The following TMA16 variants were observed in gnomAD, a reference collection of about 807,000 sequenced individuals.
The protein encoded by TMA16 is translation machinery-associated protein 16.
Under a neutral mutation model 27.1 loss-of-function variants are expected in TMA16, and 26 were observed. That is an observed-to-expected ratio of 0.96 (90% CI 0.70 to 1.33). The LOEUF is 1.33. TMA16 is among the 40% of genes most tolerant of loss of function. The pLI is 0.00. For missense variants in TMA16, 233 were observed against 241.4 expected (o/e 0.97, Z 0.23); for synonymous variants, 71 against 81.9 (o/e 0.87, Z 0.72).
intron 1 of TMA16, 90 bp downstream of exon 1, chr4:163,494,894 A>C: frequency 6.4e-7 from 1 of 1,567,990 alleles, no homozygotes; most frequent in Non-Finnish European, 8.7e-7. Context: ...CGGTTTCGGG[A>C]ACCTAGGAGA....
At position 163,514,019 on chromosome 4, in the gene TMA16, ACTTG is replaced by A. The variant is rs142925293; in HGVS notation, c.155-51_155-48del. ...ATGTTGAAAATGATAATGAATATTT[ACTTG>A]CTTAAATGATGACTTGTGGGGTAAA... On this transcript the variant is annotated intron_variant, in intron 3 of 6. Transcript: ENST00000358572. 2.1e-3 allele frequency: 2,835 copies of A among 1,320,770 alleles called. 44 individuals carry two copies. In the African/African-American group the frequency reaches 0.036, roughly 17 times the overall value. The allele number at this position is 1,320,770 out of a possible 1,614,324, so 81.8% of individuals were successfully genotyped here.
At chr4:163,498,616 A>G (rs1005923989) in intron 1 of TMA16, among the ~76,000 whole-genome samples, 2 of 152,102 alleles carry the variant, frequency 1.3e-5, no homozygotes, top group African/African-American at 4.8e-5. Flanking sequence ...AAGAAATTCT[A>G]TTTCAATTTT....
At chr4:163,501,651 G>C (rs923934702) in intron 1 of TMA16, among the ~76,000 whole-genome samples, 3 of 152,178 alleles carry the variant, frequency 2.0e-5, no homozygotes, top group Non-Finnish European at 2.9e-5. Context: ...AGTGATGCAA[G>C]TGTTTGTTGA....
At position 163,519,445 on chromosome 4, in the gene TMA16, A is replaced by G; in HGVS notation, c.543A>G (p.Gln181=). 1 of 1,606,528 alleles carries G rather than the reference A, an allele frequency of 6.2e-7. No homozygotes were observed. ...GGAAAACTATTATAACTGTAGACCAAGATTTGGGGGAATTGGAACTAAACG... is the reference window on the plus strand; with the variant it reads ...GGAAAACTATTATAACTGTAGACCAGGATTTGGGGGAATTGGAACTAAACG... ...CKRKTIITVD[Q]DLGELELNDE... The change falls in exon 7 of 7, where the codon CAA becomes CAG. Residue 181 remains glutamine, a synonymous_variant. Transcript: ENST00000358572.
At chr4:163,511,082 G>T (rs186242577) in intron 2 of TMA16, among the ~76,000 whole-genome samples, 128 of 152,260 alleles carry the variant, frequency 8.4e-4, no homozygotes, top group African/African-American at 2.8e-3. Flanking sequence ...GAGAATTTGG[G>T]TATATAAGAA....
Position 163,512,816 on chromosome 4 carries a change from T to G in TMA16, c.117-6T>G. The G allele has an allele frequency of 6.3e-7, 1 of 1,596,420 alleles. No homozygotes were observed. Among genetic ancestry groups the G allele is most frequent in the South Asian group, 1.1e-5 (1 of 87,604 alleles). On this transcript the variant is annotated splice_region_variant and splice_polypyrimidine_tract_variant and intron_variant, in intron 2 of 6. Coordinates refer to ENST00000358572, the MANE Select transcript of TMA16 (RefSeq NM_018352.3). ...TCTAACACATATATTTACCTTTCCT[T>G]CAAAGATTGAAGAATGAAAAGGCCT... is the stretch of plus-strand genomic sequence containing the variant.
chr4:163,499,623 C>T (rs1013147251), intron 1 of TMA16, among the ~76,000 whole-genome samples: 3 of 152,008 alleles, frequency 2.0e-5, no homozygotes, highest in African/African-American at 2.4e-5. Flanking sequence ...GTCGTTTTTG[C>T]GTGTAGCCTG....
chr4:163,513,264 T>G (rs1737823241), intron 3 of TMA16, among the ~76,000 whole-genome samples: 1 of 152,214 alleles, frequency 6.6e-6, no homozygotes, highest in Non-Finnish European at 1.5e-5. Context: ...TCACTGTTTT[T>G]TTGGTCAGAT....
chr4:163,513,625 A>C (rs1737829634), intron 3 of TMA16, among the ~76,000 whole-genome samples: 1 of 152,176 alleles, frequency 6.6e-6, no homozygotes, highest in East Asian at 1.9e-4. Flanking sequence ...TCTCATCTAC[A>C]AATGGGGGTA....
chr4:163,507,037 A>T lies in TMA16; in HGVS notation c.8A>T (p.Lys3Ile), dbSNP rs1737726214. The change falls in exon 2 of 7, where the codon AAA (lysine) becomes ATA (isoleucine). Residue 3 changes from lysine to isoleucine, a missense_variant. By Grantham distance (102) the Lys-to-Ile change is moderately radical. Transcript: ENST00000358572. ...ATGTGTTTTCATACATTTTAGCCCA[A>T]AGCACCAAAGGGAAAAAGTGCAGGA... MP[K>I]APKGKSAGRE... The T allele has an allele frequency of 1.3e-6, 2 of 1,585,030 alleles. No homozygotes were observed. Among genetic ancestry groups the T allele is most frequent in the Non-Finnish European group, 1.7e-6 (2 of 1,164,996 alleles).
intron 2 of TMA16, among the ~76,000 whole-genome samples, chr4:163,508,046 A>G (rs1737741977): frequency 6.6e-6 from 1 of 152,064 alleles, no homozygotes; most frequent in Non-Finnish European, 1.5e-5. Context: ...TCTGCAGGGT[A>G]GTTTTTTATT....
At chr4:163,497,192 A>G (rs1055623846) in intron 1 of TMA16, among the ~76,000 whole-genome samples, 1 of 152,236 alleles carries the variant, frequency 6.6e-6, no homozygotes, top group Non-Finnish European at 1.5e-5. Context: ...GACTACATCT[A>G]TAAATGTGAG....
chr4:163,495,900 T>C (rs28546949), intron 1 of TMA16, among the ~76,000 whole-genome samples: 153 of 152,354 alleles, frequency 1.0e-3, no homozygotes, highest in African/African-American at 3.4e-3. Flanking sequence ...TTGTGGGATT[T>C]CCAACTCTTT....
Position 163,520,058 on chromosome 4 carries a change from A to G in TMA16, c.*544A>G, listed in dbSNP as rs1737948988. The G allele has an allele frequency of 6.8e-6, 4 of 584,652 alleles. No individual in the cohort carries two copies. The highest frequency in any genetic ancestry group is 1.2e-5 in the Non-Finnish European group (4 of 324,138). 36.2% of individuals were successfully genotyped at this position (584,652 alleles called of 1,614,324 possible). A position where few individuals can be genotyped will look rare whatever the true frequency, so the allele number is the denominator to read the frequency against. On this transcript the variant is annotated 3_prime_UTR_variant, in exon 7 of 7. Transcript: ENST00000358572. Reference sequence around the variant, plus strand: ...ATTATTTATCTTTTGAACCAGAGCTAAATGGTAAAAGAAAAAAAATCAGTG... The same window carrying G: ...ATTATTTATCTTTTGAACCAGAGCTGAATGGTAAAAGAAAAAAAATCAGTG...
chr4:163,509,760 G>T (rs374167497), intron 2 of TMA16, among the ~76,000 whole-genome samples: 2 of 152,132 alleles, frequency 1.3e-5, no homozygotes, highest in South Asian at 4.1e-4. Context: ...GCACATTCCC[G>T]ACAATGAACA....
chr4:163,519,687 G>C lies in TMA16; in HGVS notation c.*173G>C, dbSNP rs1737940643. 3 of 656,480 alleles carry C rather than the reference G, an allele frequency of 4.6e-6. No individual in the cohort carries two copies. The highest frequency in any genetic ancestry group is 4.1e-4 in the Middle Eastern group (1 of 2,418). The allele number at this position is 656,480 out of a possible 1,614,324, so 40.7% of individuals were successfully genotyped here. ...TGATACTTATTTTAAAATGAAGATT[G>C]CTTTTCATTTCCATTAAGTTGCTAA... On this transcript the variant is annotated 3_prime_UTR_variant, in exon 7 of 7. Transcript: ENST00000358572.
At chr4:163,517,099 T>TCA (rs909089671) in intron 5 of TMA16, 1 of 228,198 alleles carries the variant, frequency 4.4e-6, no homozygotes, top group African/African-American at 2.4e-5. Context: ...AGATGGGGTT[T>TCA]CACCTTGTTA....
At chr4:163,497,409 T>TAGTAA (rs1737574131) in intron 1 of TMA16, among the ~76,000 whole-genome samples, 1 of 152,238 alleles carries the variant, frequency 6.6e-6, no homozygotes, top group Admixed American at 6.5e-5. Flanking sequence ...TTAACTGCCA[T>TAGTAA]AGTAAAGTGA....
At chr4:163,508,422 T>A (rs1310771501) in intron 2 of TMA16, among the ~76,000 whole-genome samples, 1 of 152,188 alleles carries the variant, frequency 6.6e-6, no homozygotes, top group African/African-American at 2.4e-5. Context: ...TATTATTTAT[T>A]TTCCCTTAAG....
Sources: gnomAD v4.1 joint callset for allele counts (sites outside exome capture counted in the v4.1 genomes callset) on GRCh38, gnomAD v4.1.1 for gene constraint, MANE v1.5 for transcripts, NCBI Gene and HGNC (gene_info 2026-07-23, HGNC 2026-07-21) for gene names.